The following MED13L variants were observed in gnomAD, a reference collection of about 807,000 sequenced individuals.
MED13L encodes mediator of RNA polymerase II transcription subunit 13-like.
A neutral mutation model predicts 220.9 loss-of-function variants in MED13L; 7 were observed. The observed-to-expected ratio is 0.03, with a 90% CI of 0.02 to 0.06. The LOEUF is 0.06. Ranked by LOEUF, MED13L falls within the 10% of genes least tolerant of loss-of-function variation. MED13L has a pLI of 1.00. For synonymous variants in MED13L, 1,011 were observed against 1,015.2 expected (o/e 1.00, Z 0.08); for missense variants, 1,965 against 2,760.5 (o/e 0.71, Z 6.46).
intron 2 of MED13L, among the ~76,000 whole-genome samples, chr12:116,126,439 T>C (rs1227722410): frequency 2.0e-5 from 3 of 152,150 alleles, no homozygotes; most frequent in African/African-American, 7.2e-5. Context: ...CTGTGGTCCT[T>C]GGAGTACTAG....
chr12:116,161,777 C>T (rs1036334999), intron 2 of MED13L, among the ~76,000 whole-genome samples: 11 of 152,164 alleles, frequency 7.2e-5, no homozygotes, highest in African/African-American at 2.2e-4. Flanking sequence ...TATATATTGG[C>T]TTGAATATAA....
intron 2 of MED13L, among the ~76,000 whole-genome samples, chr12:116,207,290 C>T (rs1245779261): frequency 2.0e-5 from 3 of 152,050 alleles, no homozygotes; most frequent in Admixed American, 2.0e-4. Flanking sequence ...TGTGAGCCAC[C>T]GTTCCTTGCT....
chr12:116,068,480 C>T (rs1267296232), intron 4 of MED13L, among the ~76,000 whole-genome samples: 1 of 152,114 alleles, frequency 6.6e-6, no homozygotes, highest in East Asian at 1.9e-4. Context: ...CCAAAATGAT[C>T]AACTAAAGGA....
intron 4 of MED13L, among the ~76,000 whole-genome samples, chr12:116,047,289 G>A (rs959114531): frequency 3.3e-5 from 5 of 152,134 alleles, no homozygotes; most frequent in African/African-American, 1.2e-4. Flanking sequence ...AAAAGGTCAA[G>A]GCAACAGTGA....
At position 115,996,607 on chromosome 12, in the gene MED13L, C is replaced by T. The variant is rs1368876028; in HGVS notation, c.2865G>A (p.Met955Ile). Reference sequence around the variant, plus strand: ...GAGGTAGCAAACAATGGCTCGGCAACATCTTCAGTGGAGCAAACATGGAGG... The same window carrying T: ...GAGGTAGCAAACAATGGCTCGGCAATATCTTCAGTGGAGCAAACATGGAGG... ...VGSSMFAPLKMLPSHCLLPLK... is the reference protein window; with the variant it reads ...VGSSMFAPLKILPSHCLLPLK... The change falls in exon 16 of 31, where the codon ATG becomes ATA. Residue 955 changes from methionine (M) to isoleucine (I), a missense_variant. By Grantham distance (10) the Met-to-Ile change is conservative. This residue lies in a region of MED13L where 233 missense variants were observed against 306.2 expected (regional missense o/e 0.76). Coordinates refer to ENST00000281928, the MANE Select transcript of MED13L (RefSeq NM_015335.5). The T allele has an allele frequency of 6.2e-7, 1 of 1,614,064 alleles. No individual in the cohort carries two copies.
chr12:116,274,928 T>C lies in MED13L; in HGVS notation c.72+2132A>G, dbSNP rs539465238. ...AAGTACAGAATCCTCTCCTACAAAA[T>C]TGCTTCTCCAAAAGAATCTCAAGCA... On this transcript the variant is annotated intron_variant, in intron 1 of 30. Transcript: ENST00000281928. Among the ~76,000 whole-genome samples the C allele has an allele frequency of 9.2e-4, 139 of 151,678 alleles. 1 individual carries two copies. Among genetic ancestry groups the C allele is most frequent in the African/African-American group, 3.1e-3 (130 of 41,362 alleles).
At chr12:116,154,782 T>G (rs1265567204) in intron 2 of MED13L, among the ~76,000 whole-genome samples, 1 of 152,148 alleles carries the variant, frequency 6.6e-6, no homozygotes, top group Non-Finnish European at 1.5e-5. Flanking sequence ...AAAGCAATAT[T>G]TTTCGATAAA....
intron 2 of MED13L, among the ~76,000 whole-genome samples, chr12:116,162,278 C>A (rs1409293342): frequency 6.6e-6 from 1 of 152,148 alleles, no homozygotes; most frequent in African/African-American, 2.4e-5. Context: ...TCCTCATTCC[C>A]ACCTCACAAA....
At chr12:116,173,824 C>G (rs1879860247) in intron 2 of MED13L, among the ~76,000 whole-genome samples, 1 of 152,076 alleles carries the variant, frequency 6.6e-6, no homozygotes, top group Non-Finnish European at 1.5e-5. Context: ...CCAGGATAAC[C>G]CAGTGCAAAC....
intron 2 of MED13L, among the ~76,000 whole-genome samples, chr12:116,122,600 T>C (rs899490991): frequency 6.6e-6 from 1 of 152,210 alleles, no homozygotes; most frequent in Admixed American, 6.5e-5. Flanking sequence ...AGAAGATACA[T>C]ACTAAAACGT....
chr12:116,006,221 A>C, intron 12 of MED13L, 85 bp downstream of exon 12: 2 of 1,350,482 alleles, frequency 1.5e-6, no homozygotes, highest in Non-Finnish European at 2.1e-6. Context: ...TATTACAATA[A>C]GAATAAAATT....
chr12:116,155,936 G>A (rs370779085), intron 2 of MED13L, among the ~76,000 whole-genome samples: 72 of 151,978 alleles, frequency 4.7e-4, no homozygotes, highest in Middle Eastern at 3.4e-3. Flanking sequence ...TAAGGTGGAG[G>A]GTAGAAAATA....
chr12:116,193,652 T>C (rs2138276290), intron 2 of MED13L, among the ~76,000 whole-genome samples: 1 of 151,318 alleles, frequency 6.6e-6, no homozygotes, highest in East Asian at 1.9e-4. Context: ...AATACCTCGC[T>C]ATTTTTGTTT....
At chr12:116,160,667 C>T (rs1421904839) in intron 2 of MED13L, among the ~76,000 whole-genome samples, 1 of 152,078 alleles carries the variant, frequency 6.6e-6, no homozygotes, top group Non-Finnish European at 1.5e-5. Context: ...CCTCGAACTC[C>T]TGAGCAGCCA....
At chr12:116,236,733 A>G (rs1397276292) in intron 2 of MED13L, 2 of 621,716 alleles carry the variant, frequency 3.2e-6, no homozygotes, top group African/African-American at 4.0e-5. Context: ...AAAAATTTTT[A>G]CCAGAAATTC....
At chr12:116,074,377 AGAGT>A (rs1379170809) in intron 4 of MED13L, among the ~76,000 whole-genome samples, 1 of 152,240 alleles carries the variant, frequency 6.6e-6, no homozygotes, top group Non-Finnish European at 1.5e-5. Flanking sequence ...CCTGGGCGAC[AGAGT>A]GAGACTCTGC....
intron 1 of MED13L, among the ~76,000 whole-genome samples, chr12:116,257,761 T>A (rs915017388): frequency 6.6e-6 from 1 of 152,256 alleles, no homozygotes; most frequent in African/African-American, 2.4e-5. Context: ...ATCGAGGTGA[T>A]CATTTTTATT....
chr12:116,185,738 C>T (rs1471754143), intron 2 of MED13L, among the ~76,000 whole-genome samples: 5 of 151,326 alleles, frequency 3.3e-5, no homozygotes, highest in Non-Finnish European at 7.4e-5. Context: ...GCTCTGTCAC[C>T]CAGGCTGGAG....
At chr12:116,081,621 C>T (rs1458272631) in intron 4 of MED13L, among the ~76,000 whole-genome samples, 1 of 152,216 alleles carries the variant, frequency 6.6e-6, no homozygotes, top group Non-Finnish European at 1.5e-5. Flanking sequence ...CAGTGGCACA[C>T]ATCTGTAATC....
Sources: allele counts gnomAD v4.1 joint callset (sites outside exome capture counted in the v4.1 genomes callset), GRCh38; gene constraint gnomAD v4.1.1; regional missense constraint gnomAD v4.1.1; transcripts MANE v1.5; gene names NCBI Gene and HGNC (gene_info 2026-07-23, HGNC 2026-07-21).